The following TLK1 variants were observed in gnomAD, a reference collection of about 807,000 sequenced individuals.
TLK1 encodes tousled like kinase 1, also known as serine/threonine-protein kinase tousled-like 1.
A neutral mutation model predicts 105.3 loss-of-function variants in TLK1; 24 were observed. The observed-to-expected ratio is 0.23, with a 90% CI of 0.17 to 0.32. TLK1 has a LOEUF of 0.32. TLK1 is among the 10% of genes least tolerant of loss of function. The pLI, the probability that TLK1 is intolerant of heterozygous loss-of-function variation, is 1.00. For synonymous variants in TLK1, 321 were observed against 310.4 expected, an observed-to-expected ratio of 1.03 and a Z score of -0.36; for missense variants, 558 against 910.5, an observed-to-expected ratio of 0.61 and a Z score of 4.98.
intron 8 of TLK1, 107 bp downstream of exon 8, chr2:171,053,654 C>T: frequency 1.2e-6 from 1 of 860,708 alleles, no homozygotes; most frequent in Non-Finnish European, 1.8e-6. Context: ...AGCCACTGCG[C>T]CTGGCCTAGC....
chr2:171,133,538 G>T lies in TLK1; in HGVS notation c.140-15681C>A, dbSNP rs574966167. 7.2e-5 allele frequency among the ~76,000 whole-genome samples: 11 copies of T among 152,302 alleles called. No homozygotes were observed. In the East Asian group the frequency reaches 2.1e-3, roughly 29 times the overall value. ...CACCTGAATCCAGGAGGCAGAGGTT[G>T]CAGTGAGCTGAAACTCTACCAAGGC... On this transcript the variant is annotated intron_variant, in intron 1 of 20. Transcript: ENST00000431350.
At chr2:171,184,902 G>A (rs557783536) in intron 1 of TLK1, among the ~76,000 whole-genome samples, 6 of 151,970 alleles carry the variant, frequency 3.9e-5, no homozygotes, top group African/African-American at 9.6e-5. Context: ...GCAGTGGCAC[G>A]ATCTCGGCTC....
rs577641214 is a variant in TLK1, at chr2:171,053,028, A to G, written c.732+733T>C. 2.6e-5 allele frequency among the ~76,000 whole-genome samples: 4 copies of G among 152,330 alleles called. No homozygotes were observed. The South Asian group carries it at 8.3e-4, about 32-fold the overall frequency. On this transcript the variant is annotated intron_variant, in intron 8 of 20. Transcript: ENST00000431350. ...CAACTGGTGAGTCTAAGGAGCATCAAGGGGTAAGAACTGCTGCTTTAAACC... is the reference window on the plus strand; with the variant it reads ...CAACTGGTGAGTCTAAGGAGCATCAGGGGGTAAGAACTGCTGCTTTAAACC...
At chr2:171,043,014 A>T (rs977963255) in intron 11 of TLK1, among the ~76,000 whole-genome samples, 33 of 152,088 alleles carry the variant, frequency 2.2e-4, no homozygotes, top group Admixed American at 6.5e-5. Flanking sequence ...AAAAATAGTA[A>T]TCTAGGTTAA....
chr2:171,215,139 C>T (rs903283185), intron 1 of TLK1, among the ~76,000 whole-genome samples: 5 of 152,078 alleles, frequency 3.3e-5, no homozygotes, highest in African/African-American at 9.7e-5. Flanking sequence ...CGGGCACTTG[C>T]TATGTTGCCC....
chr2:171,160,457 C>G lies in TLK1; in HGVS notation c.-29G>C, dbSNP rs753828027. 2 of 1,583,572 alleles carry G rather than the reference C, an allele frequency of 1.3e-6. No individual in the cohort carries two copies. On this transcript the variant is annotated 5_prime_UTR_variant, in exon 1 of 21. Coordinates refer to ENST00000431350, the MANE Select transcript of TLK1 (RefSeq NM_012290.5). This position sits in a 1 kb window ranked among gnomAD's most constrained non-coding sequence, Gnocchi z 4.4. ...GCTACTTTCTGGGAACCCGACTCCC[C>G]CCCTGCGACGGCAGCGGCGGCAACG...
intron 1 of TLK1, among the ~76,000 whole-genome samples, chr2:171,207,271 C>T (rs1443536123): frequency 1.3e-5 from 2 of 152,164 alleles, no homozygotes; most frequent in African/African-American, 2.4e-5. Flanking sequence ...ATACATATTA[C>T]TAAGTGAAAG....
At chr2:170,996,626 C>G (rs1488155406) in intron 20 of TLK1, 27 bp downstream of exon 20, 2 of 1,585,876 alleles carry the variant, frequency 1.3e-6, no homozygotes, top group Admixed American at 3.5e-5. Context: ...AGTTACTTCA[C>G]AAAACTCATT....
chr2:171,020,677 T>C (rs1281319840), intron 12 of TLK1, among the ~76,000 whole-genome samples: 1 of 152,124 alleles, frequency 6.6e-6, no homozygotes, highest in Admixed American at 6.6e-5. Context: ...ATATTCTAAA[T>C]ATGAATGTGT....
chr2:171,003,352 CA>C (rs1210798499), intron 18 of TLK1, among the ~76,000 whole-genome samples: 1 of 137,818 alleles, frequency 7.3e-6, no homozygotes, highest in African/African-American at 2.8e-5. Flanking sequence ...GACAGCTTTA[CA>C]AATTTCTTTT....
At chr2:171,161,579 T>C (rs1480380069), upstream of TLK1, among the ~76,000 whole-genome samples, 1 of 152,210 alleles carries the variant, frequency 6.6e-6, no homozygotes, top group Non-Finnish European at 1.5e-5. Flanking sequence ...ACCAGTTTTG[T>C]AGACTGTATG....
chr2:171,049,571 TTAA>T, intron 10 of TLK1, among the ~76,000 whole-genome samples: 1 of 152,198 alleles, frequency 6.6e-6, no homozygotes, highest in East Asian at 1.9e-4. Context: ...AAAGGTTCAA[TTAA>T]TATCTCGGAA....
At chr2:171,097,022 A>G (rs1689481766) in intron 2 of TLK1, among the ~76,000 whole-genome samples, 1 of 152,236 alleles carries the variant, frequency 6.6e-6, no homozygotes. Context: ...CAAAGAGCCA[A>G]AGCAAAACTG....
At chr2:171,010,370 A>G (rs1056723009) in intron 14 of TLK1, among the ~76,000 whole-genome samples, 2 of 152,196 alleles carry the variant, frequency 1.3e-5, no homozygotes, top group Non-Finnish European at 2.9e-5. Flanking sequence ...GGAGAGGAAG[A>G]TAACTTCTAT....
chr2:171,113,093 G>A (rs550537443), intron 2 of TLK1, among the ~76,000 whole-genome samples: 23 of 152,038 alleles, frequency 1.5e-4, no homozygotes, highest in Non-Finnish European at 3.1e-4. Context: ...AAAGAACAAA[G>A]TCAACCCCAG....
chr2:171,082,292 A>T, intron 3 of TLK1, among the ~76,000 whole-genome samples: 1 of 152,142 alleles, frequency 6.6e-6, no homozygotes, highest in Non-Finnish European at 1.5e-5. Context: ...GGGAGGGATT[A>T]AGAGGGGAGG....
At chr2:171,167,460 C>T (rs1692629977) in intron 1 of TLK1, among the ~76,000 whole-genome samples, 1 of 152,172 alleles carries the variant, frequency 6.6e-6, no homozygotes, top group Non-Finnish European at 1.5e-5. Context: ...AGACAAATGG[C>T]TCCATTACAT....
chr2:171,113,160 GATA>G (rs941203398), intron 2 of TLK1, among the ~76,000 whole-genome samples: 4 of 151,982 alleles, frequency 2.6e-5, no homozygotes, highest in South Asian at 2.1e-4. Flanking sequence ...ACCAAAATAT[GATA>G]ATATTTTTAA....
chr2:171,141,699 A>G (rs1372756956), intron 1 of TLK1, among the ~76,000 whole-genome samples: 1 of 152,070 alleles, frequency 6.6e-6, no homozygotes, highest in Non-Finnish European at 1.5e-5. Context: ...AAAACTGCCA[A>G]CCAAGATTTC....
Sources: gnomAD v4.1 joint callset for allele counts (sites outside exome capture counted in the v4.1 genomes callset) on GRCh38, gnomAD v4.1.1 for gene constraint, Gnocchi (gnomAD v3.1) non-coding constraint, MANE v1.5 for transcripts, NCBI Gene and HGNC (gene_info 2026-07-23, HGNC 2026-07-21) for gene names.